The following MIF4GD variants were observed in gnomAD, a reference collection of about 807,000 sequenced individuals.
MIF4GD encodes MIF4G domain-containing protein.
Under a neutral mutation model 26.7 loss-of-function variants are expected in MIF4GD, and 22 were observed. The observed-to-expected ratio is 0.82, with a 90% confidence interval of 0.59 to 1.18. The LOEUF is 1.18. MIF4GD is among the 50% of genes most tolerant of loss of function. MIF4GD has a pLI of 0.00. For missense variants in MIF4GD, 262 were observed against 279.6 expected, an observed-to-expected ratio of 0.94 and a Z score of 0.45; for synonymous variants, 137 against 111.6, an observed-to-expected ratio of 1.23 and a Z score of -1.43.
intron 2 of MIF4GD, chr17:75,269,195 A>T: frequency 1.4e-6 from 1 of 735,648 alleles, no homozygotes; most frequent in Non-Finnish European, 2.1e-6. Flanking sequence ...AGGAATACTG[A>T]CCAGGACATG....
rs1186073008 is a variant in MIF4GD, at chr17:75,268,631, T to G, written c.83-439A>C. ...AGGTTGCAGTGAGCCGAGATCATGC[T>G]ATTGCACTCCAGCCTGGGCGACAAA... On this transcript the variant is annotated intron_variant, in intron 2 of 5. Transcript: ENST00000325102. Among the ~76,000 whole-genome samples, 4 of 130,152 alleles carry G rather than the reference T, an allele frequency of 3.1e-5. No individual in the cohort carries two copies. In the East Asian group the frequency reaches 6.9e-4, roughly 22 times the overall value. The allele number at this position is 130,152 out of a possible 152,430, so 85.4% of individuals were successfully genotyped here. A position where few individuals can be genotyped will look rare whatever the true frequency, so the allele number is the denominator to read the frequency against.
chr17:75,267,704 A>G, intron 4 of MIF4GD, 42 bp downstream of exon 4: 2 of 1,612,480 alleles, frequency 1.2e-6, no homozygotes, highest in East Asian at 2.2e-5. Flanking sequence ...GCCTCAGGAA[A>G]CAGGCCATGT....
At chr17:75,268,685 AAAAG>A (rs987543026) in intron 2 of MIF4GD, among the ~76,000 whole-genome samples, 5 of 148,832 alleles carry the variant, frequency 3.4e-5, no homozygotes, top group African/African-American at 1.2e-4. Context: ...AAAAAAAAAA[AAAAG>A]AAAAAAATAA....
rs1395722907 is a variant in MIF4GD, at chr17:75,266,919, T to A, written c.490A>T (p.Lys164Ter). Reference protein sequence around the residue: ...QLHRVGEQLEKMNGQRMDELF... With the variant: ...QLHRVGEQLE ...TCATCCATGCGCTGCCCATTCATTT[T>A]CTCCAGCTGCTCCCCAACCCGGTGC... The change falls in exon 6 of 6, where the codon AAA (lysine) becomes TAA (stop). Residue 164 changes from lysine (K) to a stop codon, truncating the protein, a stop_gained. Transcript: ENST00000325102. LOFTEE classifies it high-confidence loss of function. 18 of 1,613,968 alleles carry A rather than the reference T, an allele frequency of 1.1e-5. No homozygotes were observed. Among genetic ancestry groups the A allele is most frequent in the Non-Finnish European group, 1.5e-5 (18 of 1,180,024 alleles).
Position 75,270,450 on chromosome 17 carries a change from A to C in MIF4GD, c.-50-205T>G. On this transcript the variant is annotated intron_variant, in intron 1 of 5. Coordinates refer to ENST00000325102, the MANE Select transcript of MIF4GD (RefSeq NM_001370592.1). This position sits in a 1 kb window ranked among gnomAD's most constrained non-coding sequence, Gnocchi z 5.7. ...CAGGCACCTGCTGCTCAGTTTAGAA[A>C]TCCCTCGCTTGTGGGATTACACAAG... 1.1e-5 allele frequency: 5 copies of C among 472,570 alleles called. No homozygotes were observed. The highest frequency in any genetic ancestry group is 4.0e-5 in the East Asian group (1 of 24,922). The allele number at this position is 472,570 out of a possible 1,614,324, so 29.3% of individuals were successfully genotyped here. A position where few individuals can be genotyped will look rare whatever the true frequency, so the allele number is the denominator to read the frequency against.
chr17:75,269,546 AACTTTTT>A, intron 2 of MIF4GD: 1 of 877,158 alleles, frequency 1.1e-6, no homozygotes, highest in East Asian at 3.5e-5. Context: ...TTTATGGTTA[AACTTTTT>A]TTTTTTTTTT....
rs201234790 is a variant in MIF4GD at position 75,266,908 on chromosome 17, C to T, written c.501G>A (p.Gly167=). Residue 167 remains glycine, a synonymous_variant, in exon 6 of 6, where the codon GGG becomes GGA. Transcript: ENST00000325102. The part of the protein sequence containing the change: ...RVGEQLEKMN[G]QRMDELFVLI... ...GCACAAAGAGCTCATCCATGCGCTG[C>T]CCATTCATTTTCTCCAGCTGCTCCC... 39 of 1,614,180 alleles carry T rather than the reference C, an allele frequency of 2.4e-5. No homozygotes were observed. In the East Asian group the frequency reaches 7.8e-4, roughly 32 times the overall value.
chr17:75,267,987 TA>T, intron 3 of MIF4GD, 86 bp from the exon 4 acceptor site: 1 of 1,602,982 alleles, frequency 6.2e-7, no homozygotes, highest in Non-Finnish European at 8.5e-7. Flanking sequence ...CTCTTTGAGC[TA>T]GACCCTGTGC....
Position 75,268,189 on chromosome 17 carries a change from G to A in MIF4GD, c.86C>T (p.Pro29Leu), listed in dbSNP as rs200456478. 55 of 1,613,088 alleles carry A rather than the reference G, an allele frequency of 3.4e-5. No homozygotes were observed. The highest frequency in any genetic ancestry group is 3.3e-4 in the Middle Eastern group (2 of 6,078). The change falls in exon 3 of 6, where the codon CCG becomes CTG. Residue 29 changes from proline to leucine, a missense_variant. Pro to Leu is a moderately conservative substitution (Grantham distance 98). Transcript: ENST00000325102. The part of the protein sequence containing the change: ...QQLLKTALKD[P>L]GAVDLEKVAN... ...CACTTTCTCCAAGTCCACAGCACCCGGATCTAGGGGTAGAGATAGGAGGGG... is the reference window on the plus strand; with the variant it reads ...CACTTTCTCCAAGTCCACAGCACCCAGATCTAGGGGTAGAGATAGGAGGGG...
Position 75,266,626 on chromosome 17 carries a change from G to A in MIF4GD, c.*114C>T. ...GGAGATGGGAAAGTCTAGAAGGGAA[G>A]ACACTCAAAGTCTGGAAGGGAAAAG... On this transcript the variant is annotated 3_prime_UTR_variant, in exon 6 of 6. Transcript: ENST00000325102. The A allele has an allele frequency of 1.1e-6, 1 of 938,804 alleles. No homozygotes were observed. Among genetic ancestry groups the A allele is most frequent in the Non-Finnish European group, 1.7e-6 (1 of 590,434 alleles). 58.2% of individuals were successfully genotyped at this position (938,804 alleles called of 1,614,324 possible).
rs139486282 is a variant in MIF4GD, at chr17:75,266,920, C to T, written c.489G>A (p.Glu163=). Residue 163 remains glutamate (E), a synonymous_variant, in exon 6 of 6, where the codon GAG becomes GAA. Transcript: ENST00000325102. The stretch of plus-strand genomic sequence containing the variant: ...CATCCATGCGCTGCCCATTCATTTT[C>T]TCCAGCTGCTCCCCAACCCGGTGCA... ...LQLHRVGEQL[E]KMNGQRMDEL... is the part of the protein sequence containing the mutation. 2.5e-6 allele frequency: 4 copies of T among 1,614,190 alleles called. No homozygotes were observed. The highest frequency in any genetic ancestry group is 3.4e-6 in the Non-Finnish European group (4 of 1,180,048).
Position 75,270,007 on chromosome 17 carries a change from A to G in MIF4GD, c.82+107T>C. ...ACGTTGCCGACTCCTATCGTCAGAG[A>G]ATGAGGGGAGGGGTGGAGGCATTCA... On this transcript the variant is annotated intron_variant, in intron 2 of 5. Coordinates refer to ENST00000325102, the MANE Select transcript of MIF4GD (RefSeq NM_001370592.1). The surrounding 1 kb of genome is among the most constrained non-coding windows in gnomAD (Gnocchi z 5.7). The G allele has an allele frequency of 1.1e-6, 1 of 887,608 alleles. No individual in the cohort carries two copies. The highest frequency in any genetic ancestry group is 1.8e-6 in the Non-Finnish European group (1 of 548,334). The allele number at this position is 887,608 out of a possible 1,614,324, so 55.0% of individuals were successfully genotyped here.
chr17:75,269,461 G>A (rs748524998), intron 2 of MIF4GD: 3 of 1,612,366 alleles, frequency 1.9e-6, no homozygotes, highest in African/African-American at 2.7e-5. Flanking sequence ...GTGCATTCAA[G>A]AGACGGGGCT....
rs2077592967 is a variant in MIF4GD, at chr17:75,268,635, G to A, written c.83-443C>T. 3.5e-5 allele frequency among the ~76,000 whole-genome samples: 5 copies of A among 144,506 alleles called. No homozygotes were observed. The South Asian group carries it at 1.1e-3, about 31-fold the overall frequency. The allele number at this position is 144,506 out of a possible 152,430, so 94.8% of individuals were successfully genotyped here. ...TGCAGTGAGCCGAGATCATGCTATT[G>A]CACTCCAGCCTGGGCGACAAAGCAA... On this transcript the variant is annotated intron_variant, in intron 2 of 5. Transcript: ENST00000325102.
Position 75,266,629 on chromosome 17 carries a change from A to G in MIF4GD, c.*111T>C, listed in dbSNP as rs2077492046. On this transcript the variant is annotated 3_prime_UTR_variant, in exon 6 of 6. Coordinates refer to ENST00000325102, the MANE Select transcript of MIF4GD (RefSeq NM_001370592.1). ...GATGGGAAAGTCTAGAAGGGAAGAC[A>G]CTCAAAGTCTGGAAGGGAAAAGTCT... The G allele has an allele frequency of 3.0e-6, 3 of 984,880 alleles. No homozygotes were observed. The highest frequency in any genetic ancestry group is 2.5e-5 in the East Asian group (1 of 40,724). The allele number at this position is 984,880 out of a possible 1,614,324, so 61.0% of individuals were successfully genotyped here.
intron 5 of MIF4GD, 32 bp downstream of exon 5, chr17:75,267,503 CCTT>C (rs750080293): frequency 1.2e-5 from 20 of 1,604,254 alleles, no homozygotes; most frequent in Non-Finnish European, 1.6e-5. Context: ...CATCCTGCAG[CCTT>C]CTGTGCTTGT....
Position 75,271,143 on chromosome 17 carries a change from C to A in MIF4GD, c.-51+1G>T, listed in dbSNP as rs1040879872. On this transcript the variant is annotated splice_donor_variant, in intron 1 of 5. Transcript: ENST00000325102. LOFTEE classifies it low-confidence loss of function (5UTR_SPLICE). This position sits in a 1 kb window ranked among gnomAD's most constrained non-coding sequence, Gnocchi z 4.2. ...GAGGCGGCGTGGGAGCCGGGACCCA[C>A]CTGCCGGGCCGGTGGCGCGCGCGCG... 1 of 149,204 alleles carries A rather than the reference C, an allele frequency of 6.7e-6. No individual in the cohort carries two copies. The highest frequency in any genetic ancestry group is 1.5e-5 in the Non-Finnish European group (1 of 66,944). 9.2% of individuals were successfully genotyped at this position (149,204 alleles called of 1,614,324 possible). A position where few individuals can be genotyped will look rare whatever the true frequency, so the allele number is the denominator to read the frequency against.
At chr17:75,268,021 C>A in intron 3 of MIF4GD, 62 bp downstream of exon 3, 6 of 1,605,284 alleles carry the variant, frequency 3.7e-6, no homozygotes, top group Non-Finnish European at 5.1e-6. Flanking sequence ...CAGGCCAGGC[C>A]TTCTGCCCAC....
In MIF4GD at chr17:75,268,685, A is replaced by G. The variant is rs1436451649; in HGVS notation, c.83-493T>C. Among the ~76,000 whole-genome samples the G allele has an allele frequency of 2.0e-5, 3 of 148,832 alleles. 1 individual carries two copies. The highest frequency in any genetic ancestry group is 1.3e-4 in the Admixed American group (2 of 14,950). On this transcript the variant is annotated intron_variant, in intron 2 of 5. Transcript: ENST00000325102. The stretch of plus-strand genomic sequence containing the variant: ...AGACTCCGTCTCAAAAAAAAAAAAA[A>G]AAAGAAAAAAATAAAAGAAATCATA...
Sources: gnomAD v4.1 joint callset for allele counts (sites outside exome capture counted in the v4.1 genomes callset) on GRCh38, gnomAD v4.1.1 for gene constraint, Gnocchi (gnomAD v3.1) non-coding constraint, MANE v1.5 for transcripts, NCBI Gene and HGNC (gene_info 2026-07-23, HGNC 2026-07-21) for gene names.